Variants in CNTN6 observed in about 807,000 individuals in gnomAD.
CNTN6 encodes the protein contactin-6.
Under a neutral mutation model 122.8 loss-of-function variants are expected in CNTN6, and 137 were observed. The ratio of observed to expected loss-of-function variants is 1.12; its 90% CI spans 0.97 to 1.29. The LOEUF is 1.29. Ranked by LOEUF, CNTN6 falls within the 50% of genes most tolerant of loss-of-function variation. The pLI, the probability that CNTN6 is intolerant of heterozygous loss-of-function variation, is 0.00. For synonymous variants in CNTN6, 570 were observed against 426.0 expected, an observed-to-expected ratio of 1.34 and a Z score of -4.16; for missense variants, 1,634 against 1,223.4, an observed-to-expected ratio of 1.34 and a Z score of -5.01.
At chr3:1,131,954 G>C (rs1306969218) in intron 1 of CNTN6, among the ~76,000 whole-genome samples, 1 of 151,956 alleles carries the variant, frequency 6.6e-6, no homozygotes, top group Non-Finnish European at 1.5e-5. Flanking sequence ...AGAGAAATCA[G>C]GAACAATATT....
Position 1,374,042 on chromosome 3 carries a change from AC to A in CNTN6, c.2066del (p.Pro689HisfsTer5). On this transcript the variant is annotated frameshift_variant, in exon 16 of 23. Coordinates refer to ENST00000446702, the MANE Select transcript of CNTN6 (RefSeq NM_001289080.2). LOFTEE classifies it high-confidence loss of function. ...GCATTGGGATTGGAGAACCAAGTGA[AC>A]CATCAGAATTGTTAAGAACTAAAGC... ...NSIGIGEPSE[P>X]SELLRTKASV... The A allele has an allele frequency of 6.2e-7, 1 of 1,612,926 alleles. No individual in the cohort carries two copies. Among genetic ancestry groups the A allele is most frequent in the Non-Finnish European group, 8.5e-7 (1 of 1,179,158 alleles).
At chr3:1,247,359 C>T (rs1014073715) in intron 4 of CNTN6, among the ~76,000 whole-genome samples, 20 of 151,880 alleles carry the variant, frequency 1.3e-4, no homozygotes, top group Non-Finnish European at 7.4e-5. Flanking sequence ...TTCTCTCTTC[C>T]TTTGTTGTAT....
intron 7 of CNTN6, among the ~76,000 whole-genome samples, chr3:1,319,846 A>AATAAAATAAT (rs1700601653): frequency 6.7e-6 from 1 of 149,612 alleles, no homozygotes; most frequent in South Asian, 2.1e-4. Flanking sequence ...AATAAAATAA[A>AATAAAATAAT]ATAAAATAAA....
chr3:1,234,292 C>G (rs4447740), intron 4 of CNTN6, among the ~76,000 whole-genome samples: 1 of 151,882 alleles, frequency 6.6e-6, no homozygotes, highest in Non-Finnish European at 1.5e-5. Context: ...AAGGTAAAGT[C>G]GTAACATAAA....
intron 4 of CNTN6, among the ~76,000 whole-genome samples, chr3:1,266,855 C>T (rs2094933671): frequency 6.6e-6 from 1 of 152,092 alleles, no homozygotes. Context: ...CACCTTCAGC[C>T]CCCTTTGCTG....
chr3:1,213,070 G>A (rs181129974), intron 2 of CNTN6, among the ~76,000 whole-genome samples: 106 of 152,250 alleles, frequency 7.0e-4, no homozygotes, highest in African/African-American at 2.5e-3. Flanking sequence ...ACAGAAATGT[G>A]CATCTCACAA....
At chr3:1,160,367 T>TATATATATATATATATATAC (rs1491110079) in intron 2 of CNTN6, among the ~76,000 whole-genome samples, 22 of 112,542 alleles carry the variant, frequency 2.0e-4, no homozygotes, top group African/African-American at 4.9e-4. Flanking sequence ...TATATATATA[T>TATATATATATATATATATAC]ACACACTACC....
intron 2 of CNTN6, among the ~76,000 whole-genome samples, chr3:1,181,670 C>T (rs746683142): frequency 3.3e-5 from 5 of 152,074 alleles, no homozygotes; most frequent in East Asian, 1.9e-4. Context: ...CCTCTTTCTA[C>T]GGAGTATGTG....
chr3:1,193,836 T>C (rs917659956), intron 2 of CNTN6, among the ~76,000 whole-genome samples: 42 of 152,134 alleles, frequency 2.8e-4, no homozygotes, highest in Non-Finnish European at 5.4e-4. Context: ...GCATAATTTA[T>C]AGTAAATAAA....
At chr3:1,118,022 C>T (rs1262908889) in intron 1 of CNTN6, among the ~76,000 whole-genome samples, 3 of 152,128 alleles carry the variant, frequency 2.0e-5, no homozygotes, top group Admixed American at 6.6e-5. Context: ...AAGCCCTTGC[C>T]TCAAGGCCCG....
intron 4 of CNTN6, among the ~76,000 whole-genome samples, chr3:1,228,406 A>C (rs2094313162): frequency 6.6e-6 from 1 of 152,176 alleles, no homozygotes; most frequent in Non-Finnish European, 1.5e-5. Context: ...AAGAAAAGCG[A>C]TCATGCACCC....
At chr3:1,279,727 T>C (rs1016864324) in intron 5 of CNTN6, among the ~76,000 whole-genome samples, 1 of 152,220 alleles carries the variant, frequency 6.6e-6, no homozygotes, top group Admixed American at 6.5e-5. Context: ...TTTAAGCAAT[T>C]TACTTTTAAT....
In CNTN6 at chr3:1,357,668, C is replaced by T. The variant is rs556187463; in HGVS notation, c.1492+5217C>T. ...AAAAATGCATGAGACAATTTTACATCGCATTGTTCAAAGTCTAGCAGGAAT... is the reference window on the plus strand; with the variant it reads ...AAAAATGCATGAGACAATTTTACATTGCATTGTTCAAAGTCTAGCAGGAAT... On this transcript the variant is annotated intron_variant, in intron 12 of 22. Transcript: ENST00000446702. Among the ~76,000 whole-genome samples the T allele has an allele frequency of 4.6e-5, 7 of 151,904 alleles. No homozygotes were observed. The South Asian group carries it at 1.0e-3, about 23-fold the overall frequency.
intron 5 of CNTN6, among the ~76,000 whole-genome samples, chr3:1,284,769 G>A (rs968396008): frequency 2.0e-5 from 3 of 152,228 alleles, no homozygotes; most frequent in African/African-American, 7.2e-5. Flanking sequence ...TTTGAGCAGA[G>A]AACTAAAGAA....
chr3:1,253,047 T>C (rs1275775243), intron 4 of CNTN6, among the ~76,000 whole-genome samples: 4 of 152,200 alleles, frequency 2.6e-5, no homozygotes, highest in African/African-American at 7.2e-5. Context: ...TAGAGTCCTA[T>C]GTGCGTGTTC....
intron 20 of CNTN6, among the ~76,000 whole-genome samples, chr3:1,398,493 T>A (rs908080624): frequency 6.6e-6 from 1 of 152,154 alleles, no homozygotes; most frequent in Admixed American, 6.6e-5. Flanking sequence ...ACACTAATTG[T>A]ATCTAAGAAG....
At chr3:1,286,437 A>C (rs1694354002) in intron 5 of CNTN6, among the ~76,000 whole-genome samples, 1 of 152,074 alleles carries the variant, frequency 6.6e-6, no homozygotes, top group African/African-American at 2.4e-5. Context: ...TATGAGTGAA[A>C]ACCTGCGGTG....
At chr3:1,369,141 T>A (rs915427088) in intron 12 of CNTN6, among the ~76,000 whole-genome samples, 1 of 152,216 alleles carries the variant, frequency 6.6e-6, no homozygotes, top group African/African-American at 2.4e-5. Context: ...TTCCTCTCTC[T>A]ACCTGCTACC....
chr3:1,344,735 G>C (rs965654201), intron 11 of CNTN6, among the ~76,000 whole-genome samples: 1 of 152,136 alleles, frequency 6.6e-6, no homozygotes, highest in East Asian at 1.9e-4. Flanking sequence ...TTTCCCCAAA[G>C]TCAGACAAAA....
Sources: allele counts gnomAD v4.1 joint callset (sites outside exome capture counted in the v4.1 genomes callset), GRCh38; gene constraint gnomAD v4.1.1; transcripts MANE v1.5; gene names NCBI Gene and HGNC (gene_info 2026-07-23, HGNC 2026-07-21).